Variants in SLC24A2 observed in about 807,000 individuals in gnomAD.
SLC24A2 encodes the protein sodium/potassium/calcium exchanger 2.
In SLC24A2, 36 loss-of-function variants were observed where a neutral mutation model predicts 62.0. The observed-to-expected ratio is 0.58, with a 90% confidence interval of 0.44 to 0.77. The LOEUF (loss-of-function observed/expected upper bound fraction) is 0.77. SLC24A2 is among the 30% of genes least tolerant of loss of function. The pLI, the probability that SLC24A2 is intolerant of heterozygous loss-of-function variation, is 0.00. For missense variants in SLC24A2, 846 were observed against 817.9 expected (o/e 1.03, Z -0.42); for synonymous variants, 358 against 294.0 (o/e 1.22, Z -2.23).
At chr9:20,065,904 A>G in the SLC24A2 span, among the ~76,000 whole-genome samples, 1 of 152,196 alleles carries the variant, frequency 6.6e-6, no homozygotes, top group Admixed American at 6.5e-5. Context: ...CCTCCCGGGA[A>G]TTCTTTTCTC....
the SLC24A2 span, among the ~76,000 whole-genome samples, chr9:20,157,665 G>A: frequency 6.6e-6 from 1 of 151,590 alleles, no homozygotes; most frequent in Non-Finnish European, 1.5e-5. Flanking sequence ...AAGAAACCTT[G>A]TTTCTGGTGG....
chr9:20,268,216 A>G, the SLC24A2 span, among the ~76,000 whole-genome samples: 4 of 152,258 alleles, frequency 2.6e-5, no homozygotes, highest in South Asian at 2.1e-4. Flanking sequence ...AAAACTGACA[A>G]TAGGGAGGAG....
chr9:19,650,682 A>G (rs1489468593), intron 2 of SLC24A2, among the ~76,000 whole-genome samples: 1 of 151,976 alleles, frequency 6.6e-6, no homozygotes, highest in Non-Finnish European at 1.5e-5. Context: ...TTTTTCACAG[A>G]CAGCCAGGCC....
rs1483270605 is a variant in SLC24A2, at chr9:19,507,646, A to AT, written c.*8506dup. ...CATACTTCAGACAGCCTATGTACAA[A>AT]TAAGTAGAGCTTCCTGTCTATGTAC... On this transcript the variant is annotated 3_prime_UTR_variant, in exon 11 of 11. Transcript: ENST00000341998. 6.6e-6 allele frequency: 1 copy of AT among 152,246 alleles called. No homozygotes were observed. The highest frequency in any genetic ancestry group is 2.4e-5 in the African/African-American group (1 of 41,476). 9.4% of individuals were successfully genotyped at this position (152,246 alleles called of 1,614,324 possible). A position where few individuals can be genotyped will look rare whatever the true frequency, so the allele number is the denominator to read the frequency against.
At position 19,562,540 on chromosome 9, in the gene SLC24A2, G is replaced by C. The variant is rs145358383; in HGVS notation, c.1347+10811C>G. On this transcript the variant is annotated intron_variant, in intron 7 of 10. Transcript: ENST00000341998. Reference sequence around the variant, plus strand: ...ATCTATTTCATCTTTTAAATGTGTTGAAAGGCCTCTGAGTGCATCTTAAGC... The same window carrying C: ...ATCTATTTCATCTTTTAAATGTGTTCAAAGGCCTCTGAGTGCATCTTAAGC... Among the ~76,000 whole-genome samples the C allele has an allele frequency of 2.8e-3, 433 of 152,186 alleles. 3 individuals carry two copies. The highest frequency in any genetic ancestry group is 9.9e-3 in the African/African-American group (410 of 41,524).
At chr9:19,988,697 G>A in the SLC24A2 span, among the ~76,000 whole-genome samples, 8 of 152,194 alleles carry the variant, frequency 5.3e-5, no homozygotes. Context: ...GTCTCTCACA[G>A]AGGTGGTTCT....
chr9:20,240,700 A>G, the SLC24A2 span, among the ~76,000 whole-genome samples: 1 of 152,152 alleles, frequency 6.6e-6, no homozygotes, highest in Admixed American at 6.5e-5. Flanking sequence ...TGGTCATTTC[A>G]GGGGGGTTTT....
intron 2 of SLC24A2, among the ~76,000 whole-genome samples, chr9:19,743,987 G>A (rs1030016363): frequency 1.3e-5 from 2 of 152,090 alleles, no homozygotes; most frequent in African/African-American, 4.8e-5. Context: ...GCCCTTAAGA[G>A]ACCAAAACCC....
chr9:19,550,052 T>C, intron 8 of SLC24A2, 85 bp downstream of exon 8: 1 of 1,426,462 alleles, frequency 7.0e-7, no homozygotes, highest in East Asian at 2.3e-5. Flanking sequence ...TCCTTTTTCC[T>C]TTTAACACAA....
the SLC24A2 span, among the ~76,000 whole-genome samples, chr9:20,169,855 G>T: frequency 6.6e-6 from 1 of 151,906 alleles, no homozygotes; most frequent in African/African-American, 2.4e-5. Context: ...CCTGAAAAAA[G>T]AATTCAGAAG....
the SLC24A2 span, among the ~76,000 whole-genome samples, chr9:19,985,439 T>C: frequency 5.3e-4 from 81 of 152,326 alleles, no homozygotes; most frequent in African/African-American, 1.9e-3. Context: ...ATATGACTTA[T>C]ATGAATCTCA....
At chr9:20,200,115 T>C in the SLC24A2 span, among the ~76,000 whole-genome samples, 5 of 152,016 alleles carry the variant, frequency 3.3e-5, no homozygotes, top group Non-Finnish European at 7.4e-5. Flanking sequence ...TTATACTAGA[T>C]ACCGGTTAAC....
At chr9:20,279,126 AT>A in the SLC24A2 span, among the ~76,000 whole-genome samples, 1 of 152,222 alleles carries the variant, frequency 6.6e-6, no homozygotes, top group African/African-American at 2.4e-5. Flanking sequence ...TATCCCCATG[AT>A]TTGATTTTCT....
chr9:20,293,746 C>T, the SLC24A2 span, among the ~76,000 whole-genome samples: 8 of 152,104 alleles, frequency 5.3e-5, no homozygotes, highest in Non-Finnish European at 1.5e-5. Flanking sequence ...CCATCCCTTC[C>T]CCAACCCTTC....
the SLC24A2 span, among the ~76,000 whole-genome samples, chr9:20,153,509 C>A: frequency 6.6e-6 from 1 of 151,746 alleles, no homozygotes; most frequent in Non-Finnish European, 1.5e-5. Flanking sequence ...ACCTAGGTAC[C>A]TCATCTTTAA....
At chr9:19,683,548 T>C (rs1213382867) in intron 2 of SLC24A2, among the ~76,000 whole-genome samples, 1 of 152,044 alleles carries the variant, frequency 6.6e-6, no homozygotes, top group African/African-American at 2.4e-5. Context: ...TTTTTTTTTT[T>C]TTCAGTTTCC....
the SLC24A2 span, among the ~76,000 whole-genome samples, chr9:20,108,290 C>T: frequency 1.0e-3 from 155 of 152,104 alleles, no homozygotes; most frequent in South Asian, 8.7e-3. Flanking sequence ...GTCAGTGTGG[C>T]GATTCCTCAG....
chr9:19,700,304 CAG>C (rs1266108578), intron 2 of SLC24A2, among the ~76,000 whole-genome samples: 1 of 152,146 alleles, frequency 6.6e-6, no homozygotes, highest in Non-Finnish European at 1.5e-5. Context: ...TTGCAGGACT[CAG>C]TAAATGTTAG....
the SLC24A2 span, among the ~76,000 whole-genome samples, chr9:19,895,546 C>CTTTCTTTTTTTTTTTTTTTTTTTTTT: frequency 7.4e-6 from 1 of 135,334 alleles, no homozygotes; most frequent in Admixed American, 7.6e-5. Flanking sequence ...TTCTTTCTTT[C>CTTTCTTTTTTTTTTTTTTTTTTTTTT]TTTTTTTTTT....
Sources: allele counts gnomAD v4.1 joint callset (sites outside exome capture counted in the v4.1 genomes callset), GRCh38; gene constraint gnomAD v4.1.1; transcripts MANE v1.5; gene names NCBI Gene and HGNC (gene_info 2026-07-23, HGNC 2026-07-21).